The following CEP152 variants were observed in gnomAD, a reference collection of about 807,000 sequenced individuals.
The protein encoded by CEP152 is centrosomal protein 152.
CEP152 carries 132 observed loss-of-function variants against 188.9 expected under a neutral mutation model. That is an observed-to-expected ratio of 0.70 (90% CI 0.61 to 0.81). CEP152 has a LOEUF of 0.81. Among genes scored for constraint, CEP152 ranks in the 30% least tolerant of loss-of-function variants. The pLI is 0.00. For synonymous variants in CEP152, 649 were observed against 666.6 expected (o/e 0.97, Z 0.41); for missense variants, 1,914 against 1,969.8 (o/e 0.97, Z 0.54).
chr15:48,772,335 TG>T, intron 13 of CEP152, 151 bp downstream of exon 13: 1 of 679,498 alleles, frequency 1.5e-6, no homozygotes, highest in Non-Finnish European at 2.6e-6. Flanking sequence ...CGCTTTAGCC[TG>T]GGAGGTTGAG....
chr15:48,775,958 G>A (rs1392356490), intron 12 of CEP152, among the ~76,000 whole-genome samples: 2 of 151,456 alleles, frequency 1.3e-5, no homozygotes, highest in African/African-American at 2.4e-5. Context: ...AACACCTAAC[G>A]TATGAGTTTC....
At chr15:48,773,981 A>G (rs1040533758) in intron 12 of CEP152, among the ~76,000 whole-genome samples, 3 of 152,230 alleles carry the variant, frequency 2.0e-5, no homozygotes, top group African/African-American at 7.2e-5. Flanking sequence ...AATGACACAG[A>G]CAATAGAATT....
downstream of CEP152, among the ~76,000 whole-genome samples, chr15:48,733,065 C>T (rs912360160): frequency 1.3e-5 from 2 of 152,182 alleles, no homozygotes; most frequent in South Asian, 2.1e-4. Context: ...GCCTGGGAGA[C>T]AGAGTGATAT....
At chr15:48,765,010 G>T (rs1332930119) in intron 17 of CEP152, among the ~76,000 whole-genome samples, 1 of 151,312 alleles carries the variant, frequency 6.6e-6, no homozygotes, top group Non-Finnish European at 1.5e-5. Flanking sequence ...AAAAAAAGGT[G>T]TATTTTTGCC....
In CEP152 at chr15:48,761,662, A is replaced by G. The variant is rs1413109907; in HGVS notation, c.2562+729T>C. Among the ~76,000 whole-genome samples the G allele has an allele frequency of 5.3e-5, 8 of 152,328 alleles. 1 individual carries two copies. The South Asian group carries it at 1.4e-3, about 28-fold the overall frequency. On this transcript the variant is annotated intron_variant, in intron 18 of 26. Transcript: ENST00000380950. ...TTTTAAAAATTTCTCAGATTTTCCAATAGTGTAAATATAAACCACACAAAC... is the reference window on the plus strand; with the variant it reads ...TTTTAAAAATTTCTCAGATTTTCCAGTAGTGTAAATATAAACCACACAAAC...
chr15:48,740,486 C>T (rs1892869083), intron 26 of CEP152: 1 of 151,930 alleles, frequency 6.6e-6, no homozygotes, highest in South Asian at 2.1e-4. Context: ...ACTATTATGT[C>T]CTACTTACCC....
intron 26 of CEP152, 47 bp from the exon 27 acceptor site, chr15:48,739,335 A>C: frequency 1.9e-6 from 3 of 1,563,328 alleles, no homozygotes; most frequent in Non-Finnish European, 2.6e-6. Flanking sequence ...TTAATATTTA[A>C]AGGGAAGATT....
At chr15:48,801,962 T>C (rs1004962425) in intron 2 of CEP152, among the ~76,000 whole-genome samples, 2 of 151,868 alleles carry the variant, frequency 1.3e-5, no homozygotes, top group African/African-American at 4.8e-5. Context: ...CCAGGCATGG[T>C]GGTGCATGCC....
intron 1 of CEP152, chr15:48,810,635 C>T (rs1043267052): frequency 4.6e-5 from 7 of 152,462 alleles, no homozygotes; most frequent in East Asian, 3.9e-4. Context: ...TCGGTCAACA[C>T]ACGTGCACAG....
intron 2 of CEP152, among the ~76,000 whole-genome samples, chr15:48,802,104 A>C (rs1347993562): frequency 1.3e-5 from 2 of 152,068 alleles, no homozygotes; most frequent in Non-Finnish European, 1.5e-5. Flanking sequence ...AAAAAAAAAA[A>C]GAACTATATC....
At chr15:48,781,114 C>G in intron 12 of CEP152, 82 bp downstream of exon 12, 1 of 1,230,140 alleles carries the variant, frequency 8.1e-7, no homozygotes, top group Non-Finnish European at 1.2e-6. Context: ...ATAATACGCT[C>G]TCACCTTAAA....
At chr15:48,775,400 C>A (rs578227405) in intron 12 of CEP152, among the ~76,000 whole-genome samples, 12 of 151,990 alleles carry the variant, frequency 7.9e-5, no homozygotes, top group African/African-American at 2.9e-4. Context: ...ATTCTTAAAG[C>A]AGCAAAAGAA....
chr15:48,801,302 A>T (rs765838203), intron 2 of CEP152, among the ~76,000 whole-genome samples: 11 of 152,218 alleles, frequency 7.2e-5, no homozygotes, highest in Non-Finnish European at 1.2e-4. Flanking sequence ...ATTACATCAA[A>T]CAAGGCAGTT....
chr15:48,792,750 A>T (rs894605697), intron 7 of CEP152, among the ~76,000 whole-genome samples: 7 of 152,176 alleles, frequency 4.6e-5, no homozygotes, highest in African/African-American at 1.7e-4. Flanking sequence ...CAGTACAGTT[A>T]AATAATGTTC....
intron 6 of CEP152, among the ~76,000 whole-genome samples, chr15:48,795,516 T>C (rs1432925319): frequency 6.6e-6 from 1 of 152,156 alleles, no homozygotes. Flanking sequence ...TCTTTTAAAA[T>C]TTTTTTAAAT....
At chr15:48,806,471 C>T in intron 1 of CEP152, among the ~76,000 whole-genome samples, 1 of 151,304 alleles carries the variant, frequency 6.6e-6, no homozygotes, top group East Asian at 1.9e-4. Context: ...ACAATCACAA[C>T]AAAAAAGTAG....
At chr15:48,804,900 C>G (rs1008625986) in intron 2 of CEP152, among the ~76,000 whole-genome samples, 4 of 152,240 alleles carry the variant, frequency 2.6e-5, no homozygotes, top group African/African-American at 9.6e-5. Flanking sequence ...CTTCTGGCCG[C>G]TCCACATGAT....
chr15:48,738,918 T>A lies in CEP152; in HGVS notation c.4464A>T (p.Glu1488Asp). 6.2e-7 allele frequency: 1 copy of A among 1,614,192 alleles called. No homozygotes were observed. The highest frequency in any genetic ancestry group is 8.5e-7 in the Non-Finnish European group (1 of 1,180,016). Residue 1488 changes from glutamate to aspartate, a missense_variant, in exon 27 of 27, where the codon GAA becomes GAT. By Grantham distance (45) the Glu-to-Asp change is conservative. Coordinates refer to ENST00000380950, the MANE Select transcript of CEP152 (RefSeq NM_001194998.2). ...KKDLLSDNGS[E>D]SLPHSAAYPF... Reference sequence around the variant, plus strand: ...GGTATGCAGCTGAATGCGGAAGTGATTCAGAACCATTATCACTGAGTAGGT... The same window carrying A: ...GGTATGCAGCTGAATGCGGAAGTGAATCAGAACCATTATCACTGAGTAGGT...
intron 14 of CEP152, 61 bp from the exon 15 acceptor site, chr15:48,768,389 T>C: frequency 2.3e-6 from 2 of 876,486 alleles, no homozygotes; most frequent in Non-Finnish European, 3.7e-6. Context: ...CACTGATTGA[T>C]TTTGTCTTAT....
Sources: allele counts gnomAD v4.1 joint callset (sites outside exome capture counted in the v4.1 genomes callset), GRCh38; gene constraint gnomAD v4.1.1; transcripts MANE v1.5; gene names NCBI Gene and HGNC (gene_info 2026-07-23, HGNC 2026-07-21).